The following CSMD1 variants were observed in gnomAD, a reference collection of about 807,000 sequenced individuals.
CSMD1 encodes CUB and sushi domain-containing protein 1.
In CSMD1, 213 loss-of-function variants were observed where a neutral mutation model predicts 417.5. The observed-to-expected ratio is 0.51, with a 90% CI of 0.46 to 0.57. The LOEUF (loss-of-function observed/expected upper bound fraction) is 0.57, where lower values mean the gene tolerates loss of function less well. CSMD1 is among the 20% of genes least tolerant of loss of function. The probability of loss-of-function intolerance (pLI) is 0.00; values close to 1 mark genes in which losing one functional copy is unlikely to be tolerated. For missense variants in CSMD1, 6,923 were observed against 4,529.7 expected, an observed-to-expected ratio of 1.53 and a Z score of -15.17; for synonymous variants, 2,862 against 1,736.8, an observed-to-expected ratio of 1.65 and a Z score of -16.11.
intron 5 of CSMD1, among the ~76,000 whole-genome samples, chr8:3,800,180 C>A (rs892572316): frequency 6.6e-6 from 1 of 152,108 alleles, no homozygotes; most frequent in Non-Finnish European, 1.5e-5. Context: ...AGTGGCTAGA[C>A]ATGAAAATTC....
chr8:3,562,388 G>A (rs974021956), intron 10 of CSMD1, among the ~76,000 whole-genome samples: 2 of 142,534 alleles, frequency 1.4e-5, no homozygotes, highest in Admixed American at 7.8e-5. Flanking sequence ...ACACACACAC[G>A]TACACACATG....
At chr8:3,593,690 A>C (rs990732149) in intron 8 of CSMD1, among the ~76,000 whole-genome samples, 1 of 152,252 alleles carries the variant, frequency 6.6e-6, no homozygotes, top group Admixed American at 6.5e-5. Context: ...CACAGTACAA[A>C]TAAAACTACA....
At chr8:4,563,993 G>A (rs1411611338) in intron 2 of CSMD1, among the ~76,000 whole-genome samples, 1 of 152,174 alleles carries the variant, frequency 6.6e-6, no homozygotes, top group Non-Finnish European at 1.5e-5. Flanking sequence ...CAGATTCCCA[G>A]GAAAATGAGG....
At chr8:3,930,400 T>G (rs1290576200) in intron 5 of CSMD1, among the ~76,000 whole-genome samples, 1 of 150,692 alleles carries the variant, frequency 6.6e-6, no homozygotes, top group Non-Finnish European at 1.5e-5. Flanking sequence ...CCTGGCATGC[T>G]TATACTGGTC....
At chr8:3,932,463 A>C (rs1248606718) in intron 5 of CSMD1, among the ~76,000 whole-genome samples, 3 of 150,462 alleles carry the variant, frequency 2.0e-5, no homozygotes, top group Admixed American at 2.0e-4. Context: ...CACGGTAATA[A>C]GACCTTGATA....
intron 3 of CSMD1, among the ~76,000 whole-genome samples, chr8:4,386,757 G>T (rs1263006243): frequency 1.4e-4 from 22 of 152,122 alleles, no homozygotes; most frequent in Non-Finnish European, 3.1e-4. Context: ...CTTTAATTAG[G>T]GGTAGAAACA....
intron 2 of CSMD1, among the ~76,000 whole-genome samples, chr8:4,604,674 T>C (rs771535116): frequency 6.6e-6 from 1 of 152,146 alleles, no homozygotes; most frequent in African/African-American, 2.4e-5. Context: ...TTTATCCTCT[T>C]TCCAAACTAT....
At chr8:4,764,068 C>T (rs945730490) in intron 1 of CSMD1, among the ~76,000 whole-genome samples, 2 of 152,216 alleles carry the variant, frequency 1.3e-5, no homozygotes, top group African/African-American at 4.8e-5. Flanking sequence ...AGACAGCACT[C>T]TGTCTGCATC....
At chr8:4,287,683 T>TTAC (rs113392036) in intron 3 of CSMD1, among the ~76,000 whole-genome samples, 1 of 149,912 alleles carries the variant, frequency 6.7e-6, no homozygotes, top group African/African-American at 2.4e-5. Context: ...ATTATTATTA[T>TTAC]TACTACTACT....
rs5888947 is a variant in CSMD1, at chr8:3,115,194, T to TCC, written c.6430+3203_6430+3204dup. On this transcript the variant is annotated intron_variant, in intron 42 of 69. Coordinates refer to ENST00000635120, the MANE Select transcript of CSMD1 (RefSeq NM_033225.6). ...CTTAATCATATTTTAACAATTACAA[T>TCC]CCCCCCCCCCCCTTTTTTTTTTTTG... Among the ~76,000 whole-genome samples, 232 of 109,086 alleles carry TCC rather than the reference T, an allele frequency of 2.1e-3. 1 individual carries two copies. Among genetic ancestry groups the TCC allele is most frequent in the Middle Eastern group, 6.4e-3 (1 of 156 alleles). 71.6% of individuals were successfully genotyped at this position (109,086 alleles called of 152,430 possible).
chr8:3,654,347 A>G (rs1380002233), intron 7 of CSMD1, among the ~76,000 whole-genome samples: 2 of 152,198 alleles, frequency 1.3e-5, no homozygotes, highest in East Asian at 3.9e-4. Flanking sequence ...GAAAAGTTTG[A>G]TGTCACATTG....
At chr8:4,513,862 T>C (rs909837727) in intron 2 of CSMD1, among the ~76,000 whole-genome samples, 1 of 152,194 alleles carries the variant, frequency 6.6e-6, no homozygotes, top group African/African-American at 2.4e-5. Flanking sequence ...TATTTTCCTC[T>C]CTAGGTCTGA....
chr8:4,452,363 G>C (rs11780134), intron 2 of CSMD1, among the ~76,000 whole-genome samples: 16,623 of 152,182 alleles, frequency 0.11, 1,408 homozygotes, highest in East Asian at 0.41. Context: ...GGGGTGACAA[G>C]TACAATACAA....
At chr8:4,175,076 T>C (rs13282712) in intron 3 of CSMD1, among the ~76,000 whole-genome samples, 73,274 of 151,666 alleles carry the variant, frequency 0.48, 18,401 homozygotes, top group Non-Finnish European at 0.54. Context: ...CACTGACTTT[T>C]ACTTTGCACT....
rs537904019 is a variant in CSMD1 at position 3,758,738 on chromosome 8, G to GCC, written c.819-4698_819-4697dup. 1.6e-3 allele frequency among the ~76,000 whole-genome samples: 251 copies of GCC among 152,282 alleles called. 1 individual carries two copies. Among genetic ancestry groups the GCC allele is most frequent in the African/African-American group, 5.7e-3 (238 of 41,556 alleles). ...ATACCTGCTACAGACAGATCCCCAAGCCCCGAGGTCCTGCTCTCTGGAGAC... is the reference window on the plus strand; with the variant it reads ...ATACCTGCTACAGACAGATCCCCAAGCCCCCCGAGGTCCTGCTCTCTGGAGAC... On this transcript the variant is annotated intron_variant, in intron 5 of 69. Coordinates refer to ENST00000635120, the MANE Select transcript of CSMD1 (RefSeq NM_033225.6).
intron 49 of CSMD1, among the ~76,000 whole-genome samples, chr8:3,072,596 A>C (rs1357265155): frequency 1.3e-5 from 2 of 152,204 alleles, no homozygotes; most frequent in Non-Finnish European, 2.9e-5. Flanking sequence ...AGCCCAAATT[A>C]AAGAGCTGTT....
At chr8:3,995,956 C>T (rs923241778) in intron 5 of CSMD1, among the ~76,000 whole-genome samples, 4 of 152,176 alleles carry the variant, frequency 2.6e-5, no homozygotes, top group African/African-American at 9.7e-5. Flanking sequence ...CAGCCTGGAT[C>T]CAGGCACCAA....
intron 1 of CSMD1, among the ~76,000 whole-genome samples, chr8:4,754,220 G>A (rs916763201): frequency 9.9e-5 from 15 of 151,912 alleles, no homozygotes; most frequent in Non-Finnish European, 1.5e-4. Flanking sequence ...CTTAACAGTC[G>A]GGATCTGCCA....
chr8:3,158,277 A>ATT (rs34501639), intron 38 of CSMD1, among the ~76,000 whole-genome samples: 2,075 of 150,268 alleles, frequency 0.014, 44 homozygotes, highest in African/African-American at 0.042. Flanking sequence ...CAAAATATGC[A>ATT]TTTTTTTTTT....
Sources: gnomAD v4.1 joint callset for allele counts (sites outside exome capture counted in the v4.1 genomes callset) on GRCh38, gnomAD v4.1.1 for gene constraint, MANE v1.5 for transcripts, NCBI Gene and HGNC (gene_info 2026-07-23, HGNC 2026-07-21) for gene names.